CNTN6: variants seen among roughly 807,000 people sequenced by gnomAD.
CNTN6 encodes the protein contactin-6.
CNTN6 carries 137 observed loss-of-function variants against 122.8 expected under a neutral mutation model. That is an observed-to-expected ratio of 1.12 (90% CI 0.97 to 1.29). CNTN6 has a LOEUF of 1.29. CNTN6 is among the 50% of genes most tolerant of loss of function. The pLI, the probability that CNTN6 is intolerant of heterozygous loss-of-function variation, is 0.00. For missense variants in CNTN6, 1,634 were observed against 1,223.4 expected, an observed-to-expected ratio of 1.34 and a Z score of -5.01; for synonymous variants, 570 against 426.0, an observed-to-expected ratio of 1.34 and a Z score of -4.16.
rs149244761 is a variant in CNTN6 at position 1,321,703 on chromosome 3, A to C, written c.815A>C (p.Lys272Thr). The C allele has an allele frequency of 1.2e-6, 2 of 1,611,748 alleles. No homozygotes were observed. The highest frequency in any genetic ancestry group is 2.7e-5 in the African/African-American group (2 of 74,778). Residue 272 changes from lysine (K) to threonine (T), a missense_variant, in exon 8 of 23, where the codon AAA becomes ACA. Lys to Thr is a moderately conservative substitution (Grantham distance 78). Coordinates refer to ENST00000446702, the MANE Select transcript of CNTN6 (RefSeq NM_001289080.2). ...TTGGACGGGAGCCCGTTGCCAGGGA[A>C]AGTCAAGTACAGCAAATCCCAAGCT... ...RRLDGSPLPG[K>T]VKYSKSQAIL...
chr3:1,105,900 C>G (rs1298221923), intron 1 of CNTN6, among the ~76,000 whole-genome samples: 1 of 152,138 alleles, frequency 6.6e-6, no homozygotes, highest in Non-Finnish European at 1.5e-5. Context: ...ACAGTGTCAT[C>G]TAAATCTAAT....
chr3:1,363,196 T>C (rs780791673), intron 12 of CNTN6, among the ~76,000 whole-genome samples: 14 of 152,080 alleles, frequency 9.2e-5, no homozygotes, highest in African/African-American at 2.4e-4. Flanking sequence ...ACTTAACTTA[T>C]GCATTTCCTC....
chr3:1,383,406 G>A lies in CNTN6; in HGVS notation c.2515G>A (p.Glu839Lys). ...NRNTGRVLGY[E>K]VLYWTDDSKE... The stretch of plus-strand genomic sequence containing the variant: ...AAACACTGGAAGAGTGCTGGGCTAT[G>A]AGGTAATCCACATTAATTTCACTTT... Residue 839 changes from glutamate to lysine, a missense_variant and splice_region_variant, in exon 19 of 23, where the codon GAG becomes AAG. Transcript: ENST00000446702. 6.2e-7 allele frequency: 1 copy of A among 1,611,404 alleles called. No homozygotes were observed. Among genetic ancestry groups the A allele is most frequent in the Non-Finnish European group, 8.5e-7 (1 of 1,177,758 alleles).
rs750854152 is a variant in CNTN6 at position 1,321,681 on chromosome 3, G to A, written c.793G>A (p.Asp265Asn). ...PVPDISWRRL[D>N]GSPLPGKVKY... is the part of the protein sequence containing the mutation. Reference sequence around the variant, plus strand: ...CCCCGATATTAGTTGGAGAAGGTTGGACGGGAGCCCGTTGCCAGGGAAAGT... The same window carrying A: ...CCCCGATATTAGTTGGAGAAGGTTGAACGGGAGCCCGTTGCCAGGGAAAGT... Residue 265 changes from aspartate (D) to asparagine (N), a missense_variant, in exon 8 of 23, where the codon GAC becomes AAC. By Grantham distance (23) the Asp-to-Asn change is conservative. Coordinates refer to ENST00000446702, the MANE Select transcript of CNTN6 (RefSeq NM_001289080.2). 1.2e-5 allele frequency: 19 copies of A among 1,611,492 alleles called. No homozygotes were observed. The highest frequency in any genetic ancestry group is 1.6e-5 in the Non-Finnish European group (19 of 1,178,398).
At chr3:1,231,605 A>G (rs776538897) in intron 4 of CNTN6, among the ~76,000 whole-genome samples, 1 of 152,338 alleles carries the variant, frequency 6.6e-6, no homozygotes, top group Non-Finnish European at 1.5e-5. Context: ...GTATATAAAA[A>G]CTACCTGTTG....
intron 4 of CNTN6, among the ~76,000 whole-genome samples, chr3:1,259,880 C>T (rs993792333): frequency 6.6e-6 from 1 of 151,986 alleles, no homozygotes; most frequent in African/African-American, 2.4e-5. Flanking sequence ...TACATACAAA[C>T]ACACAATAGT....
chr3:1,113,856 TC>T, intron 1 of CNTN6, among the ~76,000 whole-genome samples: 1 of 151,946 alleles, frequency 6.6e-6, no homozygotes, highest in Admixed American at 6.6e-5. Context: ...AGTTAAATAC[TC>T]TCACTCACTC....
intron 12 of CNTN6, among the ~76,000 whole-genome samples, chr3:1,370,780 G>A (rs1232090549): frequency 2.6e-5 from 4 of 152,138 alleles, no homozygotes; most frequent in African/African-American, 2.4e-5. Context: ...TCTGGGAGGC[G>A]GAGGTTGCAA....
intron 20 of CNTN6, among the ~76,000 whole-genome samples, chr3:1,398,402 C>T (rs1695250161): frequency 6.6e-6 from 1 of 152,134 alleles, no homozygotes; most frequent in Non-Finnish European, 1.5e-5. Flanking sequence ...TTAGCTGAGA[C>T]TCTCCCATTT....
At chr3:1,397,719 C>T (rs974838365) in intron 20 of CNTN6, among the ~76,000 whole-genome samples, 13 of 152,212 alleles carry the variant, frequency 8.5e-5, no homozygotes, top group African/African-American at 3.1e-4. Context: ...CTCAATTTGG[C>T]CCTTGACGTT....
intron 1 of CNTN6, among the ~76,000 whole-genome samples, chr3:1,114,558 T>G (rs1055499374): frequency 6.6e-6 from 1 of 152,094 alleles, no homozygotes. Context: ...GGATCACAGG[T>G]CAATAGGAAC....
chr3:1,099,189 C>T (rs951431679), intron 1 of CNTN6, among the ~76,000 whole-genome samples: 31 of 152,262 alleles, frequency 2.0e-4, no homozygotes, highest in African/African-American at 7.2e-4. Flanking sequence ...CAGTGGCTCA[C>T]GCCTGTAATC....
At position 1,170,236 on chromosome 3, in the gene CNTN6, CAAAAAAAAAAAAAA is replaced by C. The variant is rs10525769; in HGVS notation, c.55+22187_55+22200del. Among the ~76,000 whole-genome samples, 13 of 107,456 alleles carry C rather than the reference CAAAAAAAAAAAAAA, an allele frequency of 1.2e-4. No individual in the cohort carries two copies. The East Asian group carries it at 1.3e-3, about 10-fold the overall frequency. 70.5% of individuals were successfully genotyped at this position (107,456 alleles called of 152,430 possible). ...TGGATGACAGAGTAAGGCTCCATCT[CAAAAAAAAAAAAAA>C]AAAAAAAAAAAAAGCAATACTTTTA... is the stretch of plus-strand genomic sequence containing the variant. On this transcript the variant is annotated intron_variant, in intron 2 of 22. Transcript: ENST00000446702.
chr3:1,327,699 TA>T lies in CNTN6; in HGVS notation c.1213+115del, dbSNP rs1166363758. ...AATTAGAAATTGCTGTCCCATCAAA[TA>T]ATGGGAAATGTCTAAATTAACTTTT... On this transcript the variant is annotated intron_variant, in intron 10 of 22. Transcript: ENST00000446702. 9 of 1,042,636 alleles carry T rather than the reference TA, an allele frequency of 8.6e-6. No individual in the cohort carries two copies. In the Admixed American group the frequency reaches 1.5e-4, roughly 18 times the overall value. 64.6% of individuals were successfully genotyped at this position (1,042,636 alleles called of 1,614,324 possible). A position where few individuals can be genotyped will look rare whatever the true frequency, so the allele number is the denominator to read the frequency against.
chr3:1,351,192 T>C (rs1705574584), intron 11 of CNTN6, among the ~76,000 whole-genome samples: 2 of 152,076 alleles, frequency 1.3e-5, no homozygotes, highest in South Asian at 4.1e-4. Context: ...CGTTGGCTGG[T>C]ATTCTCTGTG....
chr3:1,286,890 A>C (rs1044809619), intron 5 of CNTN6, among the ~76,000 whole-genome samples: 13 of 152,190 alleles, frequency 8.5e-5, no homozygotes, highest in Non-Finnish European at 1.6e-4. Flanking sequence ...ACCAAGCAAA[A>C]GGAAAGCAGA....
chr3:1,309,101 A>T (rs1291220824), intron 7 of CNTN6, among the ~76,000 whole-genome samples: 1 of 152,130 alleles, frequency 6.6e-6, no homozygotes, highest in Non-Finnish European at 1.5e-5. Context: ...CATTTCCTTA[A>T]CAATGTCCTT....
At chr3:1,371,487 G>T (rs762261288) in intron 12 of CNTN6, among the ~76,000 whole-genome samples, 1 of 151,998 alleles carries the variant, frequency 6.6e-6, no homozygotes, top group African/African-American at 2.4e-5. Context: ...GCTCTTTGAT[G>T]AATTCTCAAC....
intron 1 of CNTN6, among the ~76,000 whole-genome samples, chr3:1,146,364 A>C (rs1335483028): frequency 6.6e-6 from 1 of 152,026 alleles, no homozygotes; most frequent in Non-Finnish European, 1.5e-5. Flanking sequence ...ACCTGAGCCC[A>C]CTGTCTCTCT....
Sources: gnomAD v4.1 joint callset for allele counts (sites outside exome capture counted in the v4.1 genomes callset) on GRCh38, gnomAD v4.1.1 for gene constraint, MANE v1.5 for transcripts, NCBI Gene and HGNC (gene_info 2026-07-23, HGNC 2026-07-21) for gene names.